Variants in PTGFRN observed in about 807,000 individuals in gnomAD.
PTGFRN encodes the protein prostaglandin F2 receptor inhibitor.
In PTGFRN, 35 loss-of-function variants were observed where a neutral mutation model predicts 83.2. That is an observed-to-expected ratio of 0.42 (90% CI 0.32 to 0.56). The LOEUF is 0.56. PTGFRN is among the 20% of genes least tolerant of loss of function. The pLI is 0.11. For missense variants in PTGFRN, 1,051 were observed against 1,179.5 expected, an observed-to-expected ratio of 0.89 and a Z score of 1.60; for synonymous variants, 519 against 498.6, an observed-to-expected ratio of 1.04 and a Z score of -0.55.
At chr1:116,986,453 T>A (rs555907994) in intron 8 of PTGFRN, among the ~76,000 whole-genome samples, 118 of 152,354 alleles carry the variant, frequency 7.7e-4, no homozygotes, top group African/African-American at 2.7e-3. Context: ...ATGGTTTTTT[T>A]AAGGATGCAT....
chr1:116,969,652 T>C (rs1650936864), intron 6 of PTGFRN, among the ~76,000 whole-genome samples: 3 of 152,144 alleles, frequency 2.0e-5, no homozygotes, highest in Admixed American at 6.6e-5. Flanking sequence ...GGGACTTTGA[T>C]GGGGATTGTG....
At chr1:116,967,354 C>A in intron 6 of PTGFRN, 24 bp downstream of exon 6, 1 of 1,593,604 alleles carries the variant, frequency 6.3e-7, no homozygotes, top group Non-Finnish European at 8.6e-7. Flanking sequence ...CCTGTTGAAT[C>A]ATAGGTGGAG....
chr1:116,920,752 T>C (rs1649515301), intron 1 of PTGFRN, among the ~76,000 whole-genome samples: 1 of 152,082 alleles, frequency 6.6e-6, no homozygotes, highest in Non-Finnish European at 1.5e-5. Context: ...GCCACCCAAG[T>C]AGCTGAAATT....
chr1:116,961,199 A>C lies in PTGFRN; in HGVS notation c.1214-44A>C. On this transcript the variant is annotated intron_variant, in intron 4 of 8. Transcript: ENST00000393203. The surrounding 1 kb of genome is among the most constrained non-coding windows in gnomAD (Gnocchi z 5.4). ...TCCTTTTGTTAATTCTTGCCATGTT[A>C]CTCTAATTATTTTCCTATCCTGGCC... The C allele has an allele frequency of 6.7e-7, 1 of 1,483,062 alleles. No individual in the cohort carries two copies. Among genetic ancestry groups the C allele is most frequent in the Non-Finnish European group, 9.0e-7 (1 of 1,113,436 alleles). The allele number at this position is 1,483,062 out of a possible 1,614,324, so 91.9% of individuals were successfully genotyped here.
At chr1:116,922,914 C>T (rs539465890) in intron 1 of PTGFRN, among the ~76,000 whole-genome samples, 2 of 152,234 alleles carry the variant, frequency 1.3e-5, no homozygotes, top group African/African-American at 4.8e-5. Context: ...GAATTATTTC[C>T]AGTTATTTGA....
chr1:116,950,239 CT>C (rs1316233266), intron 4 of PTGFRN, among the ~76,000 whole-genome samples: 1 of 152,208 alleles, frequency 6.6e-6, no homozygotes, highest in Non-Finnish European at 1.5e-5. Flanking sequence ...TACTAAGCTC[CT>C]TTTCCCCTAC....
chr1:116,979,846 G>T (rs188084126), intron 7 of PTGFRN, among the ~76,000 whole-genome samples: 205 of 152,276 alleles, frequency 1.3e-3, no homozygotes, highest in African/African-American at 4.4e-3. Flanking sequence ...AAAAGCAATG[G>T]CAACAAAAGC....
intron 8 of PTGFRN, among the ~76,000 whole-genome samples, chr1:116,985,528 C>T (rs530436762): frequency 6.6e-6 from 1 of 151,976 alleles, no homozygotes; most frequent in Non-Finnish European, 1.5e-5. Flanking sequence ...GAAACCCCGT[C>T]TCTACTAAAA....
Position 116,984,958 on chromosome 1 carries a change from C to A in PTGFRN, c.2446C>A (p.Pro816Thr), listed in dbSNP as rs1456173215. The change falls in exon 8 of 9, where the codon CCC becomes ACC. Residue 816 changes from proline to threonine, a missense_variant. Transcript: ENST00000393203. ...GAAGGAGGCAGAGATCCACTCCAAG[C>A]CCGTTTTTATAACTGTGAAGATGGA... is the stretch of plus-strand genomic sequence containing the variant. Reference protein sequence around the residue: ...WQKEAEIHSKPVFITVKMDVL... With the variant: ...WQKEAEIHSKTVFITVKMDVL... 2 of 1,613,898 alleles carry A rather than the reference C, an allele frequency of 1.2e-6. No individual in the cohort carries two copies. Among genetic ancestry groups the A allele is most frequent in the Non-Finnish European group, 1.7e-6 (2 of 1,179,894 alleles).
In PTGFRN at chr1:116,941,689, C is replaced by T. The variant is rs1394962968; in HGVS notation, c.50-26C>T. On this transcript the variant is annotated intron_variant, in intron 1 of 8. Transcript: ENST00000393203. The surrounding 1 kb of genome is among the most constrained non-coding windows in gnomAD (Gnocchi z 5.0). Reference sequence around the variant, plus strand: ...GGGAAGACTTTCTGTGATTAAAGACCTGCCTTTCATCTTTTATCATTGCAG... The same window carrying T: ...GGGAAGACTTTCTGTGATTAAAGACTTGCCTTTCATCTTTTATCATTGCAG... 6.3e-7 allele frequency: 1 copy of T among 1,582,626 alleles called. No homozygotes were observed. Among genetic ancestry groups the T allele is most frequent in the Non-Finnish European group, 8.6e-7 (1 of 1,163,606 alleles).
chr1:116,978,665 T>C (rs1161498830), intron 7 of PTGFRN, among the ~76,000 whole-genome samples: 9 of 152,164 alleles, frequency 5.9e-5, no homozygotes, highest in Non-Finnish European at 1.2e-4. Context: ...TTTGACAAAA[T>C]TCAACAGTCC....
chr1:116,953,812 GA>G (rs1400530211), intron 4 of PTGFRN, among the ~76,000 whole-genome samples: 3 of 151,296 alleles, frequency 2.0e-5, no homozygotes, highest in Non-Finnish European at 2.9e-5. Flanking sequence ...TCTCTGGGAG[GA>G]GCAAATGAGG....
rs139926576 is a variant in PTGFRN at position 116,923,718 on chromosome 1, G to A, written c.49+13466G>A. 3.0e-3 allele frequency among the ~76,000 whole-genome samples: 462 copies of A among 152,206 alleles called. 4 individuals are homozygous for A. The highest frequency in any genetic ancestry group is 0.01 in the African/African-American group (417 of 41,532). ...GGTTCATTCAAACCATGGATCATCTGCTTGTCATCACTGTTCTAGGGAGCA... is the reference window on the plus strand; with the variant it reads ...GGTTCATTCAAACCATGGATCATCTACTTGTCATCACTGTTCTAGGGAGCA... On this transcript the variant is annotated intron_variant, in intron 1 of 8. Transcript: ENST00000393203. The surrounding 1 kb of genome is among the most constrained non-coding windows in gnomAD (Gnocchi z 4.0).
rs1430233921 is a variant in PTGFRN at position 116,988,329 on chromosome 1, G to C, written c.*1362G>C. On this transcript the variant is annotated 3_prime_UTR_variant, in exon 9 of 9. Coordinates refer to ENST00000393203, the MANE Select transcript of PTGFRN (RefSeq NM_020440.4). The stretch of plus-strand genomic sequence containing the variant: ...TGCCCGACTGCTCCCATCAGGAATA[G>C]GAGAGTAGACAGAGATCTTCCACAT... 6.6e-6 allele frequency: 1 copy of C among 152,538 alleles called. No individual in the cohort carries two copies. Among genetic ancestry groups the C allele is most frequent in the Non-Finnish European group, 1.5e-5 (1 of 68,056 alleles). 9.4% of individuals were successfully genotyped at this position (152,538 alleles called of 1,614,324 possible). A position where few individuals can be genotyped will look rare whatever the true frequency, so the allele number is the denominator to read the frequency against.
chr1:116,985,675 T>C, intron 8 of PTGFRN, among the ~76,000 whole-genome samples: 1 of 146,294 alleles, frequency 6.8e-6, no homozygotes, highest in East Asian at 2.0e-4. Context: ...ACCATTGCAC[T>C]CCAGCCCAGG....
chr1:116,938,743 G>C lies in PTGFRN; in HGVS notation c.50-2972G>C, dbSNP rs113671690. On this transcript the variant is annotated intron_variant, in intron 1 of 8. Transcript: ENST00000393203. The stretch of plus-strand genomic sequence containing the variant: ...AACTCATTTCAGCATTAACTTACAA[G>C]TCCACAGTTCAAAGTCTCATTTGAG... 5.7e-3 allele frequency among the ~76,000 whole-genome samples: 873 copies of C among 152,226 alleles called. 5 individuals carry two copies. Among genetic ancestry groups the C allele is most frequent in the African/African-American group, 0.019 (804 of 41,516 alleles).
In PTGFRN at chr1:116,989,911, C is replaced by G. The variant is rs1651667239; in HGVS notation, c.*2944C>G. 1 of 152,666 alleles carries G rather than the reference C, an allele frequency of 6.6e-6. No homozygotes were observed. 9.5% of individuals were successfully genotyped at this position (152,666 alleles called of 1,614,324 possible). On this transcript the variant is annotated 3_prime_UTR_variant, in exon 9 of 9. Coordinates refer to ENST00000393203, the MANE Select transcript of PTGFRN (RefSeq NM_020440.4). Reference sequence around the variant, plus strand: ...CCTGCCCAGACCTTCGTTTGTTTCCCCGGTGGCCCTTGCTTCTTGCTTTGC... The same window carrying G: ...CCTGCCCAGACCTTCGTTTGTTTCCGCGGTGGCCCTTGCTTCTTGCTTTGC...
intron 1 of PTGFRN, among the ~76,000 whole-genome samples, chr1:116,914,825 G>A (rs1649360143): frequency 6.6e-6 from 1 of 150,978 alleles, no homozygotes. Flanking sequence ...ACGTGTGTGT[G>A]TCTCTGCATA....
chr1:116,913,061 A>G (rs956715919), intron 1 of PTGFRN, among the ~76,000 whole-genome samples: 2 of 152,186 alleles, frequency 1.3e-5, no homozygotes, highest in Admixed American at 6.5e-5. Flanking sequence ...CTGTGTGTTC[A>G]ATACTGGGAG....
Sources: allele counts gnomAD v4.1 joint callset (sites outside exome capture counted in the v4.1 genomes callset), GRCh38; gene constraint gnomAD v4.1.1; non-coding constraint Gnocchi (gnomAD v3.1); transcripts MANE v1.5; gene names NCBI Gene and HGNC (gene_info 2026-07-23, HGNC 2026-07-21).